Variants in MYO18B observed in about 807,000 individuals in gnomAD.
The protein encoded by MYO18B is myosin XVIIIB, also known as unconventional myosin-XVIIIb.
A neutral mutation model predicts 273.0 loss-of-function variants in MYO18B; 204 were observed. The observed-to-expected ratio is 0.75, with a 90% CI of 0.67 to 0.84. MYO18B has a LOEUF of 0.84. Among genes scored for constraint, MYO18B ranks in the 40% least tolerant of loss-of-function variants. The pLI is 0.00. For missense variants in MYO18B, 3,212 were observed against 3,287.6 expected, an observed-to-expected ratio of 0.98 and a Z score of 0.56; for synonymous variants, 1,330 against 1,305.7, an observed-to-expected ratio of 1.02 and a Z score of -0.40.
chr22:25,873,507 C>T, intron 22 of MYO18B, among the ~76,000 whole-genome samples: 1 of 152,168 alleles, frequency 6.6e-6, no homozygotes, highest in East Asian at 1.9e-4. Flanking sequence ...ATGGCACTAT[C>T]TTGGCTCACC....
intron 12 of MYO18B, among the ~76,000 whole-genome samples, chr22:25,813,173 T>C (rs1457834049): frequency 1.5e-5 from 2 of 137,244 alleles, no homozygotes; most frequent in Admixed American, 7.9e-5. Context: ...CTCTTCTTCC[T>C]CTTCTTCTTC....
chr22:25,851,526 G>GCT lies in MYO18B; in HGVS notation c.3834_3835dup (p.Pro1279LeufsTer4). On this transcript the variant is annotated frameshift_variant, in exon 21 of 44. Coordinates refer to ENST00000335473, the MANE Select transcript of MYO18B (RefSeq NM_032608.7). LOFTEE classifies it high-confidence loss of function. ...CCGCCGGCAATTCCAGGTGCTGGACGCTCCACTCCTGAAGAAGCTCATGTC... is the reference window on the plus strand; with the variant it reads ...CCGCCGGCAATTCCAGGTGCTGGACGCTCTCCACTCCTGAAGAAGCTCATGTC... 6.4e-7 allele frequency: 1 copy of GCT among 1,561,578 alleles called. No individual in the cohort carries two copies. The highest frequency in any genetic ancestry group is 8.7e-7 in the Non-Finnish European group (1 of 1,152,452).
chr22:26,058,878 A>G, the MYO18B span, among the ~76,000 whole-genome samples: 1 of 152,162 alleles, frequency 6.6e-6, no homozygotes, highest in African/African-American at 2.4e-5. Flanking sequence ...ACGCAGCCTC[A>G]GGAATTCCTT....
chr22:25,882,848 T>C (rs1038225309), intron 25 of MYO18B, among the ~76,000 whole-genome samples: 1 of 152,188 alleles, frequency 6.6e-6, no homozygotes, highest in African/African-American at 2.4e-5. Flanking sequence ...ACCCAAATAG[T>C]GTGCCTTATA....
intron 12 of MYO18B, among the ~76,000 whole-genome samples, chr22:25,806,318 T>C (rs5761228): frequency 0.021 from 3,231 of 152,280 alleles, 76 homozygotes; most frequent in East Asian, 0.1. Flanking sequence ...TTGCCCTGAC[T>C]CTAGGACACC....
At chr22:25,963,579 A>G (rs548937116) in intron 39 of MYO18B, among the ~76,000 whole-genome samples, 2 of 149,096 alleles carry the variant, frequency 1.3e-5, no homozygotes, top group East Asian at 3.9e-4. Flanking sequence ...TACTTCTGCA[A>G]AGACCCTATT....
At chr22:26,005,358 T>C (rs563465787) in intron 42 of MYO18B, among the ~76,000 whole-genome samples, 1 of 152,324 alleles carries the variant, frequency 6.6e-6, no homozygotes, top group East Asian at 1.9e-4. Flanking sequence ...AGATTTTAGC[T>C]TTATTCAAAT....
intron 12 of MYO18B, among the ~76,000 whole-genome samples, chr22:25,823,046 T>C (rs1289700944): frequency 6.6e-6 from 1 of 152,162 alleles, no homozygotes; most frequent in Non-Finnish European, 1.5e-5. Context: ...CCTACTGTCT[T>C]GTGAACTAGG....
chr22:25,978,123 A>G lies in MYO18B; in HGVS notation c.6157-14240A>G, dbSNP rs549760794. ...TACAACCTTATTCATAAGGAGATCAATATAGTAGGGAATTAGACATTGGCA... is the reference window on the plus strand; with the variant it reads ...TACAACCTTATTCATAAGGAGATCAGTATAGTAGGGAATTAGACATTGGCA... On this transcript the variant is annotated intron_variant, in intron 39 of 43. Transcript: ENST00000335473. Among the ~76,000 whole-genome samples the G allele has an allele frequency of 3.3e-5, 5 of 152,360 alleles. No individual in the cohort carries two copies. The East Asian group carries it at 5.8e-4, about 18-fold the overall frequency.
the MYO18B span, among the ~76,000 whole-genome samples, chr22:26,062,499 AC>A: frequency 1.1e-4 from 17 of 152,148 alleles, no homozygotes; most frequent in African/African-American, 4.1e-4. Context: ...AGAAAGCAGA[AC>A]CCTGGCAATA....
chr22:26,003,393 T>A, intron 41 of MYO18B, 84 bp downstream of exon 41: 1 of 1,200,818 alleles, frequency 8.3e-7, no homozygotes, highest in Non-Finnish European at 1.2e-6. Flanking sequence ...GGAACATCCA[T>A]GTCCACTTGG....
At chr22:25,786,518 CAT>C (rs1448726534) in intron 11 of MYO18B, among the ~76,000 whole-genome samples, 4 of 150,184 alleles carry the variant, frequency 2.7e-5, no homozygotes, top group Non-Finnish European at 5.9e-5. Flanking sequence ...CCATATTTCA[CAT>C]GATATACTAA....
In MYO18B at chr22:25,828,860, G is replaced by T; in HGVS notation, c.2871G>T (p.Lys957Asn). The T allele has an allele frequency of 6.2e-7, 1 of 1,613,988 alleles. No homozygotes were observed. The highest frequency in any genetic ancestry group is 8.5e-7 in the Non-Finnish European group (1 of 1,179,898). The change falls in exon 15 of 44, where the codon AAG becomes AAT. Residue 957 changes from lysine to asparagine, a missense_variant. Lys to Asn is a moderately conservative substitution (Grantham distance 94, BLOSUM62 0). Coordinates refer to ENST00000335473, the MANE Select transcript of MYO18B (RefSeq NM_032608.7). ...TCCAGAACCCCCGGCACCAGGGCAAGGACCGGGCGGCCACCTTTGAGGAGC... is the reference window on the plus strand; with the variant it reads ...TCCAGAACCCCCGGCACCAGGGCAATGACCGGGCGGCCACCTTTGAGGAGC... ...PGFQNPRHQG[K>N]DRAATFEELC...
chr22:25,954,189 G>A (rs1456484550), intron 38 of MYO18B, among the ~76,000 whole-genome samples: 2 of 152,054 alleles, frequency 1.3e-5, no homozygotes, highest in African/African-American at 4.8e-5. Flanking sequence ...GGTTTGTTTT[G>A]TGTGGCACTC....
At chr22:25,807,704 T>C (rs193286457) in intron 12 of MYO18B, among the ~76,000 whole-genome samples, 2 of 152,276 alleles carry the variant, frequency 1.3e-5, no homozygotes, top group African/African-American at 2.4e-5. Flanking sequence ...ACTTCTGCCA[T>C]GTTCTGTTGG....
intron 33 of MYO18B, among the ~76,000 whole-genome samples, 156 bp downstream of exon 33, chr22:25,911,206 T>C (rs1359482769): frequency 6.6e-6 from 1 of 152,194 alleles, no homozygotes; most frequent in Non-Finnish European, 1.5e-5. Flanking sequence ...TTCAGGTGCC[T>C]GCAAACAGCA....
At chr22:25,825,680 G>A (rs1036825942) in intron 13 of MYO18B, among the ~76,000 whole-genome samples, 1 of 152,106 alleles carries the variant, frequency 6.6e-6, no homozygotes, top group Admixed American at 6.5e-5. Flanking sequence ...TCCTTTGTAT[G>A]GGTAGACTAC....
the MYO18B span, among the ~76,000 whole-genome samples, chr22:26,044,492 A>G: frequency 6.6e-6 from 1 of 152,210 alleles, no homozygotes; most frequent in Non-Finnish European, 1.5e-5. Context: ...ATGATCACTT[A>G]TAATATACTA....
intron 37 of MYO18B, among the ~76,000 whole-genome samples, 170 bp from the exon 38 acceptor site, chr22:25,952,116 T>C (rs1057388949): frequency 1.3e-5 from 2 of 152,146 alleles, no homozygotes; most frequent in East Asian, 3.9e-4. Context: ...GGTCCCAAGA[T>C]TGACACCTGG....
Sources: gnomAD v4.1 joint callset for allele counts (sites outside exome capture counted in the v4.1 genomes callset) on GRCh38, gnomAD v4.1.1 for gene constraint, MANE v1.5 for transcripts, NCBI Gene and HGNC (gene_info 2026-07-23, HGNC 2026-07-21) for gene names.